Variants in CHD6 observed in about 807,000 individuals in gnomAD.
The protein encoded by CHD6 is ATP-dependent chromatin remodeler CHD6.
CHD6 carries 50 observed loss-of-function variants against 276.9 expected under a neutral mutation model. The ratio of observed to expected loss-of-function variants is 0.18; its 90% CI spans 0.14 to 0.23. The LOEUF is 0.23. Ranked by LOEUF, CHD6 falls within the 10% of genes least tolerant of loss-of-function variation. CHD6 has a pLI of 1.00. For missense variants in CHD6, 2,564 were observed against 3,365.8 expected (o/e 0.76, Z 5.89); for synonymous variants, 1,173 against 1,229.3 (o/e 0.95, Z 0.96).
At chr20:41,608,303 T>C (rs1482847530) in intron 1 of CHD6, among the ~76,000 whole-genome samples, 1 of 152,176 alleles carries the variant, frequency 6.6e-6, no homozygotes, top group Non-Finnish European at 1.5e-5. Flanking sequence ...ACAACAAGCA[T>C]TTTACCGCGA....
intron 2 of CHD6, among the ~76,000 whole-genome samples, chr20:41,548,828 C>T (rs1208844458): frequency 5.9e-5 from 9 of 152,054 alleles, no homozygotes; most frequent in East Asian, 3.9e-4. Context: ...AAAAAGTAGG[C>T]AAAGGATATG....
chr20:41,551,118 T>C (rs1013132758), intron 2 of CHD6, among the ~76,000 whole-genome samples, 187 bp downstream of exon 2: 11 of 152,212 alleles, frequency 7.2e-5, no homozygotes, highest in African/African-American at 2.4e-4. Context: ...TACGTGAAGA[T>C]GAACTGAGCA....
intron 29 of CHD6, among the ~76,000 whole-genome samples, chr20:41,424,787 G>A (rs6072367): frequency 3.3e-5 from 5 of 152,124 alleles, no homozygotes; most frequent in Non-Finnish European, 7.4e-5. Flanking sequence ...TGCCCTGGAA[G>A]GCTTGATAAG....
At chr20:41,453,077 A>G (rs2048287276) in intron 20 of CHD6, 135 bp from the exon 21 acceptor site, 1 of 671,134 alleles carries the variant, frequency 1.5e-6, no homozygotes, top group East Asian at 2.7e-5. Context: ...GGCTATTCCC[A>G]GCACACCTGC....
chr20:41,435,979 A>T (rs1344483952), intron 27 of CHD6, among the ~76,000 whole-genome samples: 4 of 151,978 alleles, frequency 2.6e-5, no homozygotes, highest in African/African-American at 7.2e-5. Flanking sequence ...CTGATTTTTA[A>T]TTTTTTTTAA....
chr20:41,460,658 C>G (rs2048517084), intron 17 of CHD6, among the ~76,000 whole-genome samples: 1 of 152,232 alleles, frequency 6.6e-6, no homozygotes, highest in Non-Finnish European at 1.5e-5. Context: ...ATTTGGGAAC[C>G]TCCACTTAAA....
At chr20:41,469,064 G>T (rs1210572438) in intron 17 of CHD6, among the ~76,000 whole-genome samples, 1 of 152,140 alleles carries the variant, frequency 6.6e-6, no homozygotes. Flanking sequence ...AGGCACAGGG[G>T]TCCAATACCT....
intron 1 of CHD6, among the ~76,000 whole-genome samples, chr20:41,579,668 T>C (rs922220811): frequency 1.3e-5 from 2 of 152,134 alleles, no homozygotes; most frequent in Non-Finnish European, 2.9e-5. Flanking sequence ...AGGTGTGCTT[T>C]CCACTAAGCA....
chr20:41,607,109 C>G (rs1390728223), intron 1 of CHD6, among the ~76,000 whole-genome samples: 1 of 152,180 alleles, frequency 6.6e-6, no homozygotes, highest in Non-Finnish European at 1.5e-5. Context: ...CTCCACCATA[C>G]TCCAGCCAGA....
At chr20:41,587,816 A>G (rs1036411278) in intron 1 of CHD6, among the ~76,000 whole-genome samples, 12 of 139,132 alleles carry the variant, frequency 8.6e-5, no homozygotes, top group Non-Finnish European at 1.5e-4. Context: ...ACATTTCTGT[A>G]GTGAAAAACA....
Position 41,426,398 on chromosome 20 carries a change from A to C in CHD6, c.4069-245T>G, listed in dbSNP as rs375965429. ...AACCATGTGGAATGCTTCTGCCTGT[A>C]GAGAATCGGCTTGAGCAATGATGAA... On this transcript the variant is annotated intron_variant, in intron 27 of 36. Transcript: ENST00000373233. 9.1e-4 allele frequency among the ~76,000 whole-genome samples: 138 copies of C among 152,300 alleles called. 3 individuals carry two copies. In the South Asian group the frequency reaches 0.028, roughly 31 times the overall value.
chr20:41,415,512 G>C lies in CHD6; in HGVS notation c.6613C>G (p.Pro2205Ala). ...CCATGCCAGCCATTGAGGATGATAGGGGTGTGCCCGTGGGTGGCAGAGAAC... is the reference window on the plus strand; with the variant it reads ...CCATGCCAGCCATTGAGGATGATAGCGGTGTGCCCGTGGGTGGCAGAGAAC... ...EQFSATHGHT[P>A]IILNGWHGES... Residue 2205 changes from proline (P) to alanine (A), a missense_variant, in exon 34 of 37, where the codon CCT becomes GCT. Pro to Ala is a conservative substitution (Grantham distance 27). This residue lies in a region of CHD6 where 1,024 missense variants were observed against 1,047.9 expected (regional missense o/e 0.98). Coordinates refer to ENST00000373233, the MANE Select transcript of CHD6 (RefSeq NM_032221.5). The C allele has an allele frequency of 6.2e-7, 1 of 1,614,112 alleles. No homozygotes were observed. Among genetic ancestry groups the C allele is most frequent in the Non-Finnish European group, 8.5e-7 (1 of 1,180,004 alleles).
At chr20:41,594,779 A>T (rs1226696315) in intron 1 of CHD6, among the ~76,000 whole-genome samples, 1 of 152,186 alleles carries the variant, frequency 6.6e-6, no homozygotes, top group Admixed American at 6.5e-5. Flanking sequence ...AATTGACCTT[A>T]TTCAATTTCA....
At chr20:41,445,614 C>A (rs373767979) in intron 25 of CHD6, 51 bp downstream of exon 25, 1 of 1,252,226 alleles carries the variant, frequency 8.0e-7, no homozygotes, top group Non-Finnish European at 1.2e-6. Flanking sequence ...TGAACTCATC[C>A]TTCCTGGGGG....
chr20:41,596,242 A>G (rs2045716541), intron 1 of CHD6, among the ~76,000 whole-genome samples: 1 of 152,120 alleles, frequency 6.6e-6, no homozygotes. Flanking sequence ...GTCTGCCCCA[A>G]CCCTTTTTCC....
intron 1 of CHD6, among the ~76,000 whole-genome samples, chr20:41,554,147 AAAAC>A (rs1568698152): frequency 3.3e-5 from 5 of 152,254 alleles, no homozygotes; most frequent in Admixed American, 2.0e-4. Context: ...CCTGTCTCAA[AAAAC>A]AAACAAAACG....
chr20:41,536,557 C>T (rs1008536154), intron 2 of CHD6, among the ~76,000 whole-genome samples: 1 of 152,154 alleles, frequency 6.6e-6, no homozygotes, highest in Non-Finnish European at 1.5e-5. Context: ...AAAATAGATT[C>T]TAATTAAGAA....
At chr20:41,542,971 G>A (rs992726229) in intron 2 of CHD6, among the ~76,000 whole-genome samples, 3 of 151,954 alleles carry the variant, frequency 2.0e-5, no homozygotes, top group Non-Finnish European at 2.9e-5. Context: ...GGGTGTGGTG[G>A]CGTGTGCCTG....
Position 41,453,002 on chromosome 20 carries a change from CATA to C in CHD6, c.3121-63_3121-61del, listed in dbSNP as rs928712892. 4 of 1,334,702 alleles carry C rather than the reference CATA, an allele frequency of 3.0e-6. 1 individual carries two copies. Among genetic ancestry groups the C allele is most frequent in the Admixed American group, 1.7e-5 (1 of 57,688 alleles). 82.7% of individuals were successfully genotyped at this position (1,334,702 alleles called of 1,614,324 possible). ...TCTTTTCTCTACTCCTTTCACAAAG[CATA>C]AGTGTATCCTCAGGACACATTTGGG... On this transcript the variant is annotated intron_variant, in intron 20 of 36. Transcript: ENST00000373233.
Sources: allele counts gnomAD v4.1 joint callset (sites outside exome capture counted in the v4.1 genomes callset), GRCh38; gene constraint gnomAD v4.1.1; regional missense constraint gnomAD v4.1.1; transcripts MANE v1.5; gene names NCBI Gene and HGNC (gene_info 2026-07-23, HGNC 2026-07-21).